The following ATP8A2 variants were observed in gnomAD, a reference collection of about 807,000 sequenced individuals.
The protein encoded by ATP8A2 is ATPase phospholipid transporting 8A2.
ATP8A2 carries 100 observed loss-of-function variants against 165.6 expected under a neutral mutation model. That is an observed-to-expected ratio of 0.60 (90% CI 0.51 to 0.71). The LOEUF is 0.71. Among genes scored for constraint, ATP8A2 ranks in the 30% least tolerant of loss-of-function variants. The pLI is 0.00. For synonymous variants in ATP8A2, 543 were observed against 548.8 expected (o/e 0.99, Z 0.15); for missense variants, 1,227 against 1,479.5 (o/e 0.83, Z 2.80).
At chr13:25,576,951 A>T in intron 19 of ATP8A2, 118 bp from the exon 20 acceptor site, 1 of 745,296 alleles carries the variant, frequency 1.3e-6, no homozygotes, top group Non-Finnish European at 2.3e-6. Flanking sequence ...GCAGGGAAAG[A>T]TAGACCTTGT....
intron 7 of ATP8A2, 22 bp downstream of exon 7, chr13:25,538,083 C>T: frequency 6.3e-7 from 1 of 1,593,686 alleles, no homozygotes. Flanking sequence ...TAGTAGGCAC[C>T]TTTTTTGCAA....
chr13:25,738,921 A>G (rs2043845741), intron 25 of ATP8A2, among the ~76,000 whole-genome samples: 1 of 148,646 alleles, frequency 6.7e-6, no homozygotes. Context: ...CATTATTGTG[A>G]TGGTAACTGA....
At chr13:25,704,847 A>C (rs1024622623) in intron 25 of ATP8A2, among the ~76,000 whole-genome samples, 3 of 152,316 alleles carry the variant, frequency 2.0e-5, no homozygotes, top group African/African-American at 7.2e-5. Context: ...AGTGGAAGAG[A>C]TAGCATTTTA....
intron 24 of ATP8A2, among the ~76,000 whole-genome samples, chr13:25,594,984 G>GTATATATATATA (rs58403530): frequency 1.7e-3 from 247 of 142,798 alleles, no homozygotes; most frequent in African/African-American, 2.1e-3. Context: ...GTGTGTGTGT[G>GTATATATATATA]TATATATATA....
intron 35 of ATP8A2, among the ~76,000 whole-genome samples, chr13:25,997,956 T>G (rs1956548203): frequency 6.6e-6 from 1 of 152,354 alleles, no homozygotes; most frequent in Non-Finnish European, 1.5e-5. Context: ...TCTCCCTGTT[T>G]GAGATCTTCC....
chr13:25,590,024 T>C (rs2040027716), intron 24 of ATP8A2, among the ~76,000 whole-genome samples: 1 of 152,248 alleles, frequency 6.6e-6, no homozygotes, highest in Non-Finnish European at 1.5e-5. Flanking sequence ...CTACATTAAA[T>C]GGTGATGGTT....
chr13:25,831,856 A>G (rs536169146), intron 28 of ATP8A2, among the ~76,000 whole-genome samples: 7 of 152,196 alleles, frequency 4.6e-5, no homozygotes, highest in Non-Finnish European at 7.4e-5. Context: ...AACAACAATA[A>G]CAACAAGAAA....
chr13:25,801,628 A>G (rs1355759634), intron 27 of ATP8A2, among the ~76,000 whole-genome samples: 1 of 152,160 alleles, frequency 6.6e-6, no homozygotes, highest in Non-Finnish European at 1.5e-5. Flanking sequence ...AGATTTGGCA[A>G]TATACTTTGA....
intron 33 of ATP8A2, among the ~76,000 whole-genome samples, chr13:25,889,247 T>C (rs953840863): frequency 4.6e-5 from 3 of 65,592 alleles, no homozygotes; most frequent in Non-Finnish European, 9.5e-5. Flanking sequence ...TCCTTTGTCA[T>C]ATATATATAT....
intron 26 of ATP8A2, among the ~76,000 whole-genome samples, chr13:25,774,519 T>G (rs146877685): frequency 6.6e-6 from 1 of 152,214 alleles, no homozygotes; most frequent in Non-Finnish European, 1.5e-5. Context: ...TGTTTACTTA[T>G]GTAATAAACC....
At chr13:25,830,907 T>G (rs1951445567) in intron 28 of ATP8A2, among the ~76,000 whole-genome samples, 1 of 152,230 alleles carries the variant, frequency 6.6e-6, no homozygotes, top group Non-Finnish European at 1.5e-5. Flanking sequence ...TGATCAAATC[T>G]GAAACATTTA....
chr13:25,601,790 C>T (rs80226193), intron 24 of ATP8A2, among the ~76,000 whole-genome samples: 2,668 of 152,228 alleles, frequency 0.018, 87 homozygotes, highest in African/African-American at 0.06. Flanking sequence ...GTATTGTTAA[C>T]GTGATTTTTT....
chr13:25,481,794 A>T (rs1248337425), intron 2 of ATP8A2, among the ~76,000 whole-genome samples: 1 of 152,088 alleles, frequency 6.6e-6, no homozygotes, highest in Non-Finnish European at 1.5e-5. Flanking sequence ...GAACAGAGAG[A>T]GTGAGCAAGA....
intron 15 of ATP8A2, 40 bp downstream of exon 15, chr13:25,559,805 A>G: frequency 2.8e-6 from 4 of 1,416,842 alleles, no homozygotes; most frequent in Non-Finnish European, 4.0e-6. Context: ...TTAGTGGAAA[A>G]GCTTTTGGAA....
intron 33 of ATP8A2, among the ~76,000 whole-genome samples, chr13:25,952,265 T>C (rs376184065): frequency 2.0e-5 from 3 of 152,304 alleles, no homozygotes; most frequent in East Asian, 3.9e-4. Flanking sequence ...AGAGTGGGCA[T>C]GAATGATTTC....
rs1007234743 is a variant in ATP8A2, at chr13:25,970,522, C to T, written c.3377+1843C>T. On this transcript the variant is annotated intron_variant, in intron 35 of 36. Transcript: ENST00000381655. The stretch of plus-strand genomic sequence containing the variant: ...AGTTTGGAGGGCCACATGCATTTTG[C>T]AGAGATACAGAACCTGCGTTTGAAT... Among the ~76,000 whole-genome samples the T allele has an allele frequency of 5.3e-5, 8 of 152,240 alleles. No homozygotes were observed. The East Asian group carries it at 1.5e-3, about 29-fold the overall frequency.
chr13:25,788,866 G>T (rs1429812999), intron 27 of ATP8A2, among the ~76,000 whole-genome samples: 3 of 152,112 alleles, frequency 2.0e-5, no homozygotes, highest in Non-Finnish European at 2.9e-5. Context: ...ATCATCTGTG[G>T]CCTCATCTTC....
At chr13:25,576,388 C>T (rs80068655) in intron 19 of ATP8A2, among the ~76,000 whole-genome samples, 33 of 151,988 alleles carry the variant, frequency 2.2e-4, no homozygotes, top group African/African-American at 6.0e-4. Context: ...TGGTGAGTCC[C>T]GTGTGTGCTC....
chr13:25,551,431 T>G lies in ATP8A2; in HGVS notation c.985T>G (p.Leu329Val), dbSNP rs2038820053. The G allele has an allele frequency of 6.2e-7, 1 of 1,614,076 alleles. No individual in the cohort carries two copies. Among genetic ancestry groups the G allele is most frequent in the Middle Eastern group, 1.6e-4 (1 of 6,062 alleles). The change falls in exon 11 of 37, where the codon TTG becomes GTG. Residue 329 changes from leucine (L) to valine (V), a missense_variant. Leu to Val is a conservative substitution (Grantham distance 32). Around this residue, in one of 5 missense-constraint regions of ATP8A2, gnomAD observed 4 missense variants for 16.8 expected, o/e 0.24. Transcript: ENST00000381655. ...GTTTGGCATCCTCTTGGTCATGGCC[T>G]TGGTGAGCTCGGCGGGGGCCCTGTA... ...VLFGILLVMALVSSAGALYWN... is the reference protein window; with the variant it reads ...VLFGILLVMAVVSSAGALYWN...
Sources: gnomAD v4.1 joint callset for allele counts (sites outside exome capture counted in the v4.1 genomes callset) on GRCh38, gnomAD v4.1.1 for gene constraint, gnomAD v4.1.1 regional missense constraint, MANE v1.5 for transcripts, NCBI Gene and HGNC (gene_info 2026-07-23, HGNC 2026-07-21) for gene names.